SULF2: variants seen among roughly 807,000 people sequenced by gnomAD.
SULF2 encodes extracellular sulfatase Sulf-2.
A neutral mutation model predicts 107.7 loss-of-function variants in SULF2; 52 were observed. The observed-to-expected ratio is 0.48, with a 90% CI of 0.39 to 0.61. The LOEUF (loss-of-function observed/expected upper bound fraction) is 0.61. SULF2 is among the 20% of genes least tolerant of loss of function. The pLI, the probability that SULF2 is intolerant of heterozygous loss-of-function variation, is 0.00. For synonymous variants in SULF2, 460 were observed against 464.3 expected (o/e 0.99, Z 0.12); for missense variants, 993 against 1,177.3 (o/e 0.84, Z 2.29).
At position 47,678,676 on chromosome 20, in the gene SULF2, C is replaced by T. The variant is rs780139077; in HGVS notation, c.1193G>A (p.Arg398Gln). ...KLLDTERPVN[R>Q]FHLKKKMRVW... ...AACACCTGCCCTGCTCCGTCCTCAC[C>T]GATTCACCGGCCGCTCCGTGTCCAG... is the stretch of plus-strand genomic sequence containing the variant. The change falls in exon 8 of 21, where the codon CGG becomes CAG. Residue 398 changes from arginine (R) to glutamine (Q), a missense_variant and splice_region_variant. Physicochemically the swap from Arg to Gln is conservative, Grantham distance 43 (BLOSUM62 1). Around this residue, in one of 3 missense-constraint regions of SULF2, gnomAD observed 108 missense variants for 183.9 expected, o/e 0.59. Transcript: ENST00000688720. The surrounding 1 kb of genome is among the most constrained non-coding windows in gnomAD (Gnocchi z 4.5). 11 of 1,613,668 alleles carry T rather than the reference C, an allele frequency of 6.8e-6. No homozygotes were observed. The African/African-American group carries it at 8.0e-5, about 12-fold the overall frequency.
intron 1 of SULF2, among the ~76,000 whole-genome samples, chr20:47,760,186 C>T (rs1006687271): frequency 7.9e-5 from 12 of 152,192 alleles, no homozygotes; most frequent in African/African-American, 2.7e-4. Flanking sequence ...GGTTGAAAAA[C>T]CCCAGGAAGG....
intron 5 of SULF2, among the ~76,000 whole-genome samples, chr20:47,687,653 G>C (rs185244488): frequency 6.6e-6 from 1 of 151,584 alleles, no homozygotes; most frequent in Non-Finnish European, 1.5e-5. Flanking sequence ...CTTTGTTTGC[G>C]TGTGTGTATG....
rs781289441 is a variant in SULF2 at position 47,702,622 on chromosome 20, G to A, written c.464C>T (p.Pro155Leu). 1.2e-6 allele frequency: 2 copies of A among 1,613,818 alleles called. No individual in the cohort carries two copies. The highest frequency in any genetic ancestry group is 1.3e-5 in the African/African-American group (1 of 74,916). The change falls in exon 4 of 21, where the codon CCC becomes CTC. Residue 155 changes from proline (P) to leucine (L), a missense_variant. By Grantham distance (98) the Pro-to-Leu change is moderately conservative. Transcript: ENST00000688720. ...GAGTCCGACCCACTCCTTCCAGCCG[G>A]GTGGCACGTAGGAGCCGTTGTATTC... ...LNEYNGSYVP[P>L]GWKEWVGLLK...
At chr20:47,684,662 G>A (rs892980859) in intron 5 of SULF2, 81 bp from the exon 6 acceptor site, 4 of 1,461,660 alleles carry the variant, frequency 2.7e-6, no homozygotes, top group Non-Finnish European at 2.8e-6. Context: ...CCGCCCGGAT[G>A]AGCAGCCACC....
intron 4 of SULF2, among the ~76,000 whole-genome samples, 191 bp from the exon 5 acceptor site, chr20:47,690,486 C>G (rs985788044): frequency 6.6e-6 from 1 of 152,290 alleles, no homozygotes; most frequent in Non-Finnish European, 1.5e-5. Flanking sequence ...AAATGCCAGA[C>G]AAATGATGCA....
intron 2 of SULF2, among the ~76,000 whole-genome samples, chr20:47,748,956 T>C (rs900305065): frequency 1.2e-4 from 18 of 152,014 alleles, no homozygotes; most frequent in Non-Finnish European, 2.1e-4. Context: ...CTCGCTGAGA[T>C]CATGTGGCTA....
chr20:47,776,741 G>A (rs979124124), intron 1 of SULF2, among the ~76,000 whole-genome samples: 3 of 152,288 alleles, frequency 2.0e-5, no homozygotes, highest in East Asian at 1.9e-4. Flanking sequence ...GGTCCCTGCC[G>A]TGGCATAAAG....
At position 47,678,611 on chromosome 20, in the gene SULF2, T is replaced by A; in HGVS notation, c.1193+65A>T. ...ACCCCACGTTCTAGACCCACAGGGT[T>A]TTGCTCTGAGTTCCCGCAGGTCAAT... On this transcript the variant is annotated intron_variant, in intron 8 of 20. Transcript: ENST00000688720. This position sits in a 1 kb window ranked among gnomAD's most constrained non-coding sequence, Gnocchi z 4.5. 1 of 1,596,882 alleles carries A rather than the reference T, an allele frequency of 6.3e-7. No homozygotes were observed. The highest frequency in any genetic ancestry group is 8.5e-7 in the Non-Finnish European group (1 of 1,170,108).
intron 1 of SULF2, among the ~76,000 whole-genome samples, chr20:47,766,817 A>T (rs904817641): frequency 6.6e-6 from 1 of 152,212 alleles, no homozygotes; most frequent in Non-Finnish European, 1.5e-5. Flanking sequence ...GAAACAATGT[A>T]TTCAAGTCTT....
intron 1 of SULF2, among the ~76,000 whole-genome samples, chr20:47,758,736 T>C (rs1187834166): frequency 6.6e-6 from 1 of 152,138 alleles, no homozygotes; most frequent in South Asian, 2.1e-4. Flanking sequence ...TGTCCAGATA[T>C]AGACTTTTGG....
At chr20:47,691,295 T>G (rs1175612534) in intron 4 of SULF2, among the ~76,000 whole-genome samples, 1 of 152,110 alleles carries the variant, frequency 6.6e-6, no homozygotes, top group Non-Finnish European at 1.5e-5. Flanking sequence ...AAAGAGTAAC[T>G]GGGAGCTGAG....
At chr20:47,769,282 C>T (rs931295272) in intron 1 of SULF2, among the ~76,000 whole-genome samples, 2 of 152,098 alleles carry the variant, frequency 1.3e-5, no homozygotes, top group African/African-American at 4.8e-5. Context: ...CCTTGTGATC[C>T]ACCCGCCTCG....
chr20:47,710,923 T>C (rs2088906732), intron 3 of SULF2, among the ~76,000 whole-genome samples: 1 of 152,214 alleles, frequency 6.6e-6, no homozygotes, highest in Admixed American at 6.5e-5. Flanking sequence ...ACCCTTCTGT[T>C]TTCTCTCCCA....
intron 4 of SULF2, among the ~76,000 whole-genome samples, chr20:47,691,772 A>T (rs1568821923): frequency 6.6e-6 from 1 of 152,240 alleles, no homozygotes; most frequent in Admixed American, 6.5e-5. Context: ...CTCCAGGAAA[A>T]TAAGGAACTG....
chr20:47,687,451 G>C (rs962723555), intron 5 of SULF2, among the ~76,000 whole-genome samples: 1 of 152,212 alleles, frequency 6.6e-6, no homozygotes, highest in African/African-American at 2.4e-5. Flanking sequence ...CTTCTGCTGG[G>C]GAAATGGCGG....
At chr20:47,738,215 T>C (rs1329440044) in intron 2 of SULF2, among the ~76,000 whole-genome samples, 1 of 152,252 alleles carries the variant, frequency 6.6e-6, no homozygotes, top group East Asian at 1.9e-4. Flanking sequence ...TCCTCAGCAC[T>C]GCTGCCGTGT....
intron 3 of SULF2, among the ~76,000 whole-genome samples, chr20:47,736,063 C>G (rs62201713): frequency 0.28 from 42,658 of 152,048 alleles, 5,950 homozygotes; most frequent in East Asian, 0.34. Context: ...AATGGCGCTA[C>G]AGGTAAGTGA....
rs558210119 is a variant in SULF2, at chr20:47,694,478, T to C, written c.568-4183A>G. On this transcript the variant is annotated intron_variant, in intron 4 of 20. Coordinates refer to ENST00000688720, the MANE Select transcript of SULF2 (RefSeq NM_001387048.1). The surrounding 1 kb of genome is among the most constrained non-coding windows in gnomAD (Gnocchi z 4.4). ...CAGACCTGTGAGCAGGAGGGTGAGA[T>C]GGGTGGAGGTCCACAGGCCCAGGTG... Among the ~76,000 whole-genome samples the C allele has an allele frequency of 1.3e-5, 2 of 152,128 alleles. No homozygotes were observed. The highest frequency in any genetic ancestry group is 2.9e-5 in the Non-Finnish European group (2 of 67,994).
intron 1 of SULF2, among the ~76,000 whole-genome samples, chr20:47,773,070 A>C (rs577997937): frequency 2.6e-5 from 4 of 152,266 alleles, no homozygotes; most frequent in African/African-American, 9.6e-5. Context: ...ACCTATTTTA[A>C]GCACTGAGCG....
Sources: gnomAD v4.1 joint callset for allele counts (sites outside exome capture counted in the v4.1 genomes callset) on GRCh38, gnomAD v4.1.1 for gene constraint, gnomAD v4.1.1 regional missense constraint, Gnocchi (gnomAD v3.1) non-coding constraint, MANE v1.5 for transcripts, NCBI Gene and HGNC (gene_info 2026-07-23, HGNC 2026-07-21) for gene names.